Variants in HS6ST3 observed in about 807,000 individuals in gnomAD.
The protein encoded by HS6ST3 is heparan-sulfate 6-O-sulfotransferase 3.
In HS6ST3, 12 loss-of-function variants were observed where a neutral mutation model predicts 36.7. The observed-to-expected ratio is 0.33, with a 90% CI of 0.21 to 0.53. The LOEUF (loss-of-function observed/expected upper bound fraction) is 0.53, where lower values mean the gene tolerates loss of function less well. HS6ST3 is among the 20% of genes least tolerant of loss of function. The pLI is 0.95. For missense variants in HS6ST3, 584 were observed against 640.9 expected (o/e 0.91, Z 0.96); for synonymous variants, 240 against 257.5 (o/e 0.93, Z 0.65).
chr13:96,639,021 G>T (rs1287089565), intron 1 of HS6ST3, among the ~76,000 whole-genome samples: 1 of 152,014 alleles, frequency 6.6e-6, no homozygotes, highest in Non-Finnish European at 1.5e-5. Flanking sequence ...CACTTGAGAA[G>T]AACATGTAGT....
At chr13:96,492,459 T>TG (rs1179707783) in intron 1 of HS6ST3, among the ~76,000 whole-genome samples, 1 of 152,224 alleles carries the variant, frequency 6.6e-6, no homozygotes, top group Non-Finnish European at 1.5e-5. Context: ...GTCCTATAGT[T>TG]GGGGGCATAT....
chr13:96,601,049 GT>G (rs778189766), intron 1 of HS6ST3, among the ~76,000 whole-genome samples: 2 of 151,942 alleles, frequency 1.3e-5, no homozygotes, highest in Non-Finnish European at 2.9e-5. Flanking sequence ...AGTCTCATAG[GT>G]TTTTCCTATA....
At chr13:96,789,462 A>T (rs1339549256) in intron 1 of HS6ST3, among the ~76,000 whole-genome samples, 1 of 151,918 alleles carries the variant, frequency 6.6e-6, no homozygotes, top group East Asian at 1.9e-4. Context: ...AAAGAATAAC[A>T]TGAGAAAAAT....
At chr13:96,552,925 C>T (rs892415373) in intron 1 of HS6ST3, among the ~76,000 whole-genome samples, 5 of 152,056 alleles carry the variant, frequency 3.3e-5, no homozygotes, top group African/African-American at 4.8e-5. Flanking sequence ...GAGATAAGTC[C>T]AGTTATAATG....
At chr13:96,577,151 T>C (rs2056325071) in intron 1 of HS6ST3, among the ~76,000 whole-genome samples, 1 of 152,092 alleles carries the variant, frequency 6.6e-6, no homozygotes. Context: ...TTTCTCCTAA[T>C]GCTATCTTTC....
chr13:96,322,435 T>C (rs1050509606), intron 1 of HS6ST3, among the ~76,000 whole-genome samples: 6 of 150,182 alleles, frequency 4.0e-5, no homozygotes, highest in African/African-American at 1.5e-4. Flanking sequence ...TTCACGCCTG[T>C]AGTCCAAGCT....
At chr13:96,492,494 G>C (rs1226777148) in intron 1 of HS6ST3, among the ~76,000 whole-genome samples, 1 of 152,202 alleles carries the variant, frequency 6.6e-6, no homozygotes, top group Non-Finnish European at 1.5e-5. Flanking sequence ...TTAGTAATTT[G>C]AGTACTTTGC....
chr13:96,632,137 C>T (rs1438042984), intron 1 of HS6ST3, among the ~76,000 whole-genome samples: 1 of 152,096 alleles, frequency 6.6e-6, no homozygotes, highest in Non-Finnish European at 1.5e-5. Flanking sequence ...AGGGGAGTGA[C>T]TTTGCCCCTT....
At chr13:96,420,939 A>T (rs187425269) in intron 1 of HS6ST3, among the ~76,000 whole-genome samples, 11 of 151,822 alleles carry the variant, frequency 7.2e-5, no homozygotes, top group Admixed American at 2.0e-4. Context: ...CTTTTTTCCT[A>T]CTCCATTACC....
intron 1 of HS6ST3, among the ~76,000 whole-genome samples, chr13:96,755,649 C>G (rs1229834541): frequency 6.6e-6 from 1 of 152,152 alleles, no homozygotes; most frequent in African/African-American, 2.4e-5. Flanking sequence ...AGGCCTGAGC[C>G]ACCACACCCA....
intron 1 of HS6ST3, among the ~76,000 whole-genome samples, chr13:96,827,429 T>C (rs549155496): frequency 1.1e-4 from 16 of 152,330 alleles, no homozygotes; most frequent in Admixed American, 5.9e-4. Flanking sequence ...TTCAACCCTA[T>C]TGGTTTATTA....
intron 1 of HS6ST3, among the ~76,000 whole-genome samples, chr13:96,244,361 C>T (rs1295339564): frequency 6.6e-6 from 1 of 152,060 alleles, no homozygotes; most frequent in Non-Finnish European, 1.5e-5. Flanking sequence ...CGCATCAAAA[C>T]CAGTATTATA....
chr13:96,515,774 C>A (rs1486331267), intron 1 of HS6ST3, among the ~76,000 whole-genome samples: 2 of 152,178 alleles, frequency 1.3e-5, no homozygotes, highest in Admixed American at 6.5e-5. Flanking sequence ...GAGGCCTCCC[C>A]AGCCATGCAG....
chr13:96,647,236 A>G (rs2056591811), intron 1 of HS6ST3, among the ~76,000 whole-genome samples: 1 of 152,048 alleles, frequency 6.6e-6, no homozygotes, highest in Non-Finnish European at 1.5e-5. Flanking sequence ...GAGAATAATG[A>G]GACTGTTCTG....
chr13:96,112,322 C>A (rs1334932269), intron 1 of HS6ST3, among the ~76,000 whole-genome samples: 1 of 151,730 alleles, frequency 6.6e-6, no homozygotes, highest in African/African-American at 2.4e-5. Flanking sequence ...ATAATATAAG[C>A]TTTGGGATAA....
intron 1 of HS6ST3, among the ~76,000 whole-genome samples, chr13:96,805,226 GTGATTGAGTCAT>G (rs1371640026): frequency 6.6e-6 from 1 of 152,106 alleles, no homozygotes; most frequent in African/African-American, 2.4e-5. Flanking sequence ...CTGGTGGGAG[GTGATTGAGTCAT>G]GGAGATGGAC....
rs2056485426 is a variant in HS6ST3 at position 96,619,267 on chromosome 13, C to G, written c.708-213223C>G. On this transcript the variant is annotated intron_variant, in intron 1 of 1. Coordinates refer to ENST00000376705, the MANE Select transcript of HS6ST3 (RefSeq NM_153456.4). Reference sequence around the variant, plus strand: ...TGTCATGCAAGGAAGTGCTTTTGGTCATTGGATTGAAAACGTACTCCATGA... The same window carrying G: ...TGTCATGCAAGGAAGTGCTTTTGGTGATTGGATTGAAAACGTACTCCATGA... Among the ~76,000 whole-genome samples, 6 of 152,284 alleles carry G rather than the reference C, an allele frequency of 3.9e-5. No individual in the cohort carries two copies. The South Asian group carries it at 1.2e-3, about 32-fold the overall frequency.
chr13:96,262,552 A>C (rs1927798), intron 1 of HS6ST3, among the ~76,000 whole-genome samples: 8,430 of 152,320 alleles, frequency 0.055, 319 homozygotes, highest in East Asian at 0.15. Context: ...GACAGTAAAA[A>C]ATACAAAAGT....
chr13:96,674,984 C>T (rs1594833297), intron 1 of HS6ST3, among the ~76,000 whole-genome samples: 1 of 152,104 alleles, frequency 6.6e-6, no homozygotes, highest in East Asian at 1.9e-4. Flanking sequence ...CTATGTTTAA[C>T]ATTAGTCGGA....
Sources: allele counts gnomAD v4.1 joint callset (sites outside exome capture counted in the v4.1 genomes callset), GRCh38; gene constraint gnomAD v4.1.1; transcripts MANE v1.5; gene names NCBI Gene and HGNC (gene_info 2026-07-23, HGNC 2026-07-21).